CEP72: variants seen among roughly 807,000 people sequenced by gnomAD.
The protein encoded by CEP72 is centrosomal protein 72.
Under a neutral mutation model 65.7 loss-of-function variants are expected in CEP72, and 78 were observed. The observed-to-expected ratio is 1.19, with a 90% CI of 0.99 to 1.43. The LOEUF (loss-of-function observed/expected upper bound fraction) is 1.43, where lower values mean the gene tolerates loss of function less well. CEP72 is among the 40% of genes most tolerant of loss of function. The probability of loss-of-function intolerance (pLI) is 0.00; values close to 1 mark genes in which losing one functional copy is unlikely to be tolerated. For synonymous variants in CEP72, 358 were observed against 351.7 expected, an observed-to-expected ratio of 1.02 and a Z score of -0.20; for missense variants, 914 against 832.9, an observed-to-expected ratio of 1.10 and a Z score of -1.20.
At chr5:642,864 C>T (rs1014625903) in intron 9 of CEP72, 5 of 985,370 alleles carry the variant, frequency 5.1e-6, no homozygotes, top group African/African-American at 3.5e-5. Flanking sequence ...TACTCTGCCA[C>T]GTGAGGACGC....
At chr5:641,590 G>A in intron 9 of CEP72, 1 of 969,584 alleles carries the variant, frequency 1.0e-6, no homozygotes, top group Non-Finnish European at 1.2e-6. Flanking sequence ...CACCCCGCCT[G>A]GAAGCCTCTG....
intron 8 of CEP72, 26 bp downstream of exon 8, chr5:639,250 G>A (rs1042519522): frequency 6.5e-7 from 1 of 1,536,032 alleles, no homozygotes; most frequent in South Asian, 1.2e-5. Context: ...CACTGCTCTT[G>A]CCCTGTAGGC....
At chr5:673,072 C>G in the CEP72 span, among the ~76,000 whole-genome samples, 1 of 152,170 alleles carries the variant, frequency 6.6e-6, no homozygotes, top group Non-Finnish European at 1.5e-5. Flanking sequence ...CCGAAGGCCA[C>G]TTCCTCACGG....
At position 633,758 on chromosome 5, in the gene CEP72, T is replaced by C. The variant is rs1240625606; in HGVS notation, c.513-11T>C. The C allele has an allele frequency of 1.9e-6, 3 of 1,613,320 alleles. No individual in the cohort carries two copies. The highest frequency in any genetic ancestry group is 2.5e-6 in the Non-Finnish European group (3 of 1,179,672). On this transcript the variant is annotated splice_polypyrimidine_tract_variant and intron_variant, in intron 4 of 11. Transcript: ENST00000264935. ...CTTGAGTGATGCTGATGAGTTTGCT[T>C]TTCCTTACAGACCACACCACCCCAG...
rs192741037 is a variant in CEP72, at chr5:665,958, C to T, written n.451C>T. 4,500 of 1,580,638 alleles carry T rather than the reference C, an allele frequency of 2.8e-3. 112 individuals carry two copies. In the African/African-American group the frequency reaches 0.053, roughly 19 times the overall value. ...CCCTCCAGGCCCCGCCTTCCATCCC[C>T]GCCCTGCTCACCGTCACCCCTGAGA... is the stretch of plus-strand genomic sequence containing the variant. On this transcript the variant is annotated non_coding_transcript_exon_variant, in exon 4 of 5. Transcript: ENST00000514507.
the CEP72 span, among the ~76,000 whole-genome samples, chr5:673,813 G>C: frequency 6.6e-6 from 1 of 152,200 alleles, no homozygotes; most frequent in African/African-American, 2.4e-5. Context: ...GCCCAGACCA[G>C]CTGGGGCTCC....
intron 5 of CEP72, among the ~76,000 whole-genome samples, chr5:634,529 G>T (rs1737457791): frequency 6.6e-6 from 1 of 152,258 alleles, no homozygotes; most frequent in Non-Finnish European, 1.5e-5. Flanking sequence ...TGTCTGCCCT[G>T]TGGCAGCGGT....
At chr5:667,519 A>G (rs1739970373), downstream of CEP72, among the ~76,000 whole-genome samples, 1 of 152,318 alleles carries the variant, frequency 6.6e-6, no homozygotes, top group African/African-American at 2.4e-5. Context: ...ATTTCTTAGA[A>G]ATGGCAACAA....
intron 9 of CEP72, chr5:644,083 T>C: frequency 1.9e-6 from 1 of 536,278 alleles, no homozygotes; most frequent in Admixed American, 3.4e-5. Flanking sequence ...TCCATCCCTC[T>C]CCTCACTTCC....
At chr5:675,899 G>C in the CEP72 span, 1 of 152,242 alleles carries the variant, frequency 6.6e-6, no homozygotes, top group African/African-American at 2.4e-5. Context: ...CTGAGCCCAT[G>C]AGGACACTGA....
chr5:654,876 G>C (rs1260259075), downstream of CEP72, among the ~76,000 whole-genome samples: 1 of 115,130 alleles, frequency 8.7e-6, no homozygotes. Context: ...TTAGCTTTCT[G>C]TTAGACTGTG....
chr5:648,643 T>G (rs1392859103), intron 11 of CEP72, among the ~76,000 whole-genome samples: 2 of 110,936 alleles, frequency 1.8e-5, no homozygotes, highest in Admixed American at 9.8e-5. Flanking sequence ...GACTGTGAGG[T>G]GTGACTGTGA....
intron 4 of CEP72, among the ~76,000 whole-genome samples, chr5:633,556 T>C (rs979616460): frequency 1.2e-4 from 19 of 152,236 alleles, no homozygotes; most frequent in Admixed American, 2.0e-4. Context: ...GATGCTGTCA[T>C]GTTATCACGT....
At chr5:651,782 A>G (rs948874600) in intron 11 of CEP72, among the ~76,000 whole-genome samples, 6 of 152,012 alleles carry the variant, frequency 3.9e-5, no homozygotes, top group Non-Finnish European at 8.8e-5. Flanking sequence ...CTGTGGCCTC[A>G]GCAGGGAAGG....
chr5:635,314 G>A lies in CEP72; in HGVS notation c.692-58G>A, dbSNP rs1737511444. The A allele has an allele frequency of 2.3e-6, 3 of 1,328,952 alleles. No individual in the cohort carries two copies. In the East Asian group the frequency reaches 7.5e-5, roughly 33 times the overall value. 82.3% of individuals were successfully genotyped at this position (1,328,952 alleles called of 1,614,324 possible). ...TTCAGAAGCTTAAAATGTAATTTTT[G>A]ATGGAATAAAACTTTTACAATGTTT... On this transcript the variant is annotated intron_variant, in intron 5 of 11. Coordinates refer to ENST00000264935, the MANE Select transcript of CEP72 (RefSeq NM_018140.4).
the CEP72 span, among the ~76,000 whole-genome samples, chr5:672,769 A>G: frequency 6.6e-6 from 1 of 152,250 alleles, no homozygotes; most frequent in Non-Finnish European, 1.5e-5. Context: ...CTATGCCTCC[A>G]TTAATATTTT....
chr5:674,565 C>G, the CEP72 span, among the ~76,000 whole-genome samples: 1 of 152,146 alleles, frequency 6.6e-6, no homozygotes, highest in African/African-American at 2.4e-5. Context: ...GTGCCAGAGG[C>G]TCTGGCCCCT....
At chr5:655,606 G>A (rs573007969), downstream of CEP72, 1 of 150,550 alleles carries the variant, frequency 6.6e-6, no homozygotes, top group African/African-American at 2.4e-5. The surrounding 1 kb of genome is among the most constrained non-coding windows in gnomAD (Gnocchi z 5.0). Context: ...GTAGTGGAGG[G>A]AGTGGGGTGG....
downstream of CEP72, among the ~76,000 whole-genome samples, chr5:655,957 C>G (rs1739367014): frequency 6.6e-6 from 1 of 152,124 alleles, no homozygotes; most frequent in Admixed American, 6.5e-5. The surrounding 1 kb of genome is among the most constrained non-coding windows in gnomAD (Gnocchi z 5.0). Context: ...ATGATTAAAG[C>G]ATTTTGGATC....
Sources: allele counts gnomAD v4.1 joint callset (sites outside exome capture counted in the v4.1 genomes callset), GRCh38; gene constraint gnomAD v4.1.1; non-coding constraint Gnocchi (gnomAD v3.1); transcripts MANE v1.5; gene names NCBI Gene and HGNC (gene_info 2026-07-23, HGNC 2026-07-21).